The following BICC1 variants were observed in gnomAD, a reference collection of about 807,000 sequenced individuals.
BICC1 encodes the protein BicC family RNA binding protein 1.
In BICC1, 43 loss-of-function variants were observed where a neutral mutation model predicts 111.0. The ratio of observed to expected loss-of-function variants is 0.39; its 90% CI spans 0.30 to 0.50. BICC1 has a LOEUF of 0.50. Among genes scored for constraint, BICC1 ranks in the 20% least tolerant of loss-of-function variants. The pLI is 0.88. For missense variants in BICC1, 1,091 were observed against 1,203.2 expected (o/e 0.91, Z 1.38); for synonymous variants, 467 against 434.4 (o/e 1.07, Z -0.93).
intron 2 of BICC1, among the ~76,000 whole-genome samples, chr10:58,657,656 T>A (rs1473310596): frequency 1.3e-5 from 2 of 152,202 alleles, no homozygotes; most frequent in Non-Finnish European, 2.9e-5. Flanking sequence ...CAAAGGGGTA[T>A]ATATAATGTT....
intron 3 of BICC1, chr10:58,716,216 CAAA>C: frequency 1.3e-6 from 2 of 1,503,940 alleles, no homozygotes; most frequent in Non-Finnish European, 9.0e-7. Context: ...ACAGAAAAAA[CAAA>C]AAAGAATAAG....
chr10:58,729,563 C>T (rs1486747558), intron 3 of BICC1, among the ~76,000 whole-genome samples: 2 of 152,138 alleles, frequency 1.3e-5, no homozygotes, highest in African/African-American at 4.8e-5. Context: ...AAAGAAATAC[C>T]TGAGACTGGG....
chr10:58,657,403 G>A (rs1010658803), intron 2 of BICC1, among the ~76,000 whole-genome samples: 1 of 152,094 alleles, frequency 6.6e-6, no homozygotes, highest in Non-Finnish European at 1.5e-5. Context: ...CCTGAGGAAC[G>A]TGCACTAGTA....
intron 1 of BICC1, among the ~76,000 whole-genome samples, chr10:58,548,913 G>A (rs1403964097): frequency 6.6e-6 from 1 of 152,122 alleles, no homozygotes; most frequent in Admixed American, 6.6e-5. Flanking sequence ...AGGCTGGAGT[G>A]CAGTGGTGCG....
intron 19 of BICC1, among the ~76,000 whole-genome samples, chr10:58,819,396 T>G (rs988588210): frequency 6.6e-6 from 1 of 152,154 alleles, no homozygotes; most frequent in Non-Finnish European, 1.5e-5. Context: ...AATGAAAAGT[T>G]TTACCTGTTT....
At chr10:58,537,336 A>G (rs1478035743) in intron 1 of BICC1, among the ~76,000 whole-genome samples, 10 of 123,924 alleles carry the variant, frequency 8.1e-5, no homozygotes, top group Admixed American at 2.0e-4. Flanking sequence ...TAGAAATGGA[A>G]TGAACTAGAA....
At chr10:58,787,967 A>T (rs1288968329) in intron 5 of BICC1, among the ~76,000 whole-genome samples, 4 of 152,104 alleles carry the variant, frequency 2.6e-5, no homozygotes, top group Non-Finnish European at 4.4e-5. Context: ...ACCATCTGGT[A>T]TGGAAAATGT....
At chr10:58,535,320 C>G (rs142317271) in intron 1 of BICC1, among the ~76,000 whole-genome samples, 1 of 151,620 alleles carries the variant, frequency 6.6e-6, no homozygotes, top group Non-Finnish European at 1.5e-5. Context: ...GGAAATAATT[C>G]TAAGAACAGC....
chr10:58,558,461 G>C (rs913790678), intron 1 of BICC1, among the ~76,000 whole-genome samples: 3 of 152,060 alleles, frequency 2.0e-5, no homozygotes, highest in African/African-American at 7.2e-5. Flanking sequence ...TGGTTCAATT[G>C]TATGATTATT....
intron 3 of BICC1, among the ~76,000 whole-genome samples, chr10:58,739,779 G>C (rs1385529710): frequency 6.6e-6 from 1 of 151,996 alleles, no homozygotes; most frequent in Non-Finnish European, 1.5e-5. Context: ...TTTTCCCTCT[G>C]TTAGGAAATA....
chr10:58,598,721 A>C lies in BICC1; in HGVS notation c.191-22134A>C, dbSNP rs146045089. 8.5e-3 allele frequency among the ~76,000 whole-genome samples: 1,299 copies of C among 152,302 alleles called. 24 individuals are homozygous for C. Among genetic ancestry groups the C allele is most frequent in the African/African-American group, 0.029 (1,200 of 41,554 alleles). Reference sequence around the variant, plus strand: ...AAACTATCATCAGAGTGAACAGGCAACCTACAGAATGGGAGAAAATTTTTA... The same window carrying C: ...AAACTATCATCAGAGTGAACAGGCACCCTACAGAATGGGAGAAAATTTTTA... On this transcript the variant is annotated intron_variant, in intron 1 of 20. Transcript: ENST00000373886.
At chr10:58,675,154 C>A (rs1839300224) in intron 2 of BICC1, among the ~76,000 whole-genome samples, 1 of 151,874 alleles carries the variant, frequency 6.6e-6, no homozygotes, top group Non-Finnish European at 1.5e-5. Context: ...GGGTTGAGGA[C>A]AGTTGGAGGA....
intron 1 of BICC1, among the ~76,000 whole-genome samples, chr10:58,534,959 T>G (rs1490601028): frequency 6.6e-6 from 1 of 151,428 alleles, no homozygotes; most frequent in Non-Finnish European, 1.5e-5. Context: ...CAGTGGAAAG[T>G]GTTAATAATA....
At chr10:58,610,360 G>GA (rs1328909371) in intron 1 of BICC1, among the ~76,000 whole-genome samples, 2 of 152,040 alleles carry the variant, frequency 1.3e-5, no homozygotes, top group Non-Finnish European at 2.9e-5. Flanking sequence ...TTTTACATGT[G>GA]AAAAAATGCC....
chr10:58,524,353 T>G (rs1328025397), intron 1 of BICC1, among the ~76,000 whole-genome samples: 5 of 152,174 alleles, frequency 3.3e-5, no homozygotes, highest in African/African-American at 9.6e-5. Flanking sequence ...AAAACAGAGA[T>G]ATAGATCAAT....
intron 1 of BICC1, among the ~76,000 whole-genome samples, chr10:58,521,849 T>G (rs1272733491): frequency 7.0e-6 from 1 of 142,758 alleles, no homozygotes; most frequent in East Asian, 2.1e-4. Context: ...TCCAACTTTG[T>G]AGGTTTGAGA....
intron 3 of BICC1, among the ~76,000 whole-genome samples, chr10:58,704,656 C>T (rs181985026): frequency 3.2e-4 from 49 of 152,184 alleles, no homozygotes; most frequent in African/African-American, 1.1e-3. Flanking sequence ...TCATTCCAGA[C>T]TATTATTATT....
intron 3 of BICC1, among the ~76,000 whole-genome samples, chr10:58,745,605 C>CCA (rs202186959): frequency 8.0e-6 from 1 of 125,444 alleles, no homozygotes; most frequent in Non-Finnish European, 1.7e-5. Context: ...CCCCACCGCC[C>CCA]CCCCCCCACA....
At chr10:58,737,678 T>A (rs1052181126) in intron 3 of BICC1, among the ~76,000 whole-genome samples, 1 of 152,200 alleles carries the variant, frequency 6.6e-6, no homozygotes, top group Non-Finnish European at 1.5e-5. Flanking sequence ...CGCCACACTG[T>A]CTTCCACAAT....
Sources: allele counts gnomAD v4.1 joint callset (sites outside exome capture counted in the v4.1 genomes callset), GRCh38; gene constraint gnomAD v4.1.1; transcripts MANE v1.5; gene names NCBI Gene and HGNC (gene_info 2026-07-23, HGNC 2026-07-21).